Variants in SDK1 observed in about 807,000 individuals in gnomAD.
SDK1 encodes the protein sidekick cell adhesion molecule 1.
In SDK1, 157 loss-of-function variants were observed where a neutral mutation model predicts 245.5. The observed-to-expected ratio is 0.64, with a 90% CI of 0.56 to 0.73. The LOEUF is 0.73. Among genes scored for constraint, SDK1 ranks in the 30% least tolerant of loss-of-function variants. The probability of loss-of-function intolerance (pLI) is 0.00; values close to 1 mark genes in which losing one functional copy is unlikely to be tolerated. For missense variants in SDK1, 3,583 were observed against 3,002.3 expected, an observed-to-expected ratio of 1.19 and a Z score of -4.52; for synonymous variants, 1,647 against 1,278.5, an observed-to-expected ratio of 1.29 and a Z score of -6.15.
chr7:3,628,905 C>G (rs1782199152), intron 2 of SDK1, among the ~76,000 whole-genome samples: 1 of 151,968 alleles, frequency 6.6e-6, no homozygotes, highest in Non-Finnish European at 1.5e-5. Flanking sequence ...GAAGGAAAAC[C>G]CAGGCAGAAC....
chr7:3,676,427 A>G (rs1317824590), intron 4 of SDK1, among the ~76,000 whole-genome samples: 4 of 145,988 alleles, frequency 2.7e-5, no homozygotes, highest in South Asian at 2.2e-4. Flanking sequence ...CCAGGTTCAC[A>G]CCATTCTCCT....
chr7:3,948,920 C>G (rs989148273), intron 5 of SDK1, among the ~76,000 whole-genome samples: 1 of 152,214 alleles, frequency 6.6e-6, no homozygotes, highest in South Asian at 2.1e-4. Context: ...TGCCTCCCTT[C>G]ACTTCACATA....
intron 23 of SDK1, 71 bp downstream of exon 23, chr7:4,110,843 A>G (rs1333202902): frequency 9.8e-6 from 10 of 1,024,594 alleles, no homozygotes; most frequent in East Asian, 2.4e-5. Context: ...TCTGTTGGCA[A>G]TAGTAAAACC....
intron 5 of SDK1, among the ~76,000 whole-genome samples, chr7:3,889,946 C>T (rs760643321): frequency 6.6e-6 from 1 of 152,238 alleles, no homozygotes; most frequent in Non-Finnish European, 1.5e-5. Flanking sequence ...CGCTCCTCCT[C>T]CTCACTTTTG....
intron 22 of SDK1, among the ~76,000 whole-genome samples, chr7:4,102,739 G>GCCT (rs985050665): frequency 6.6e-6 from 1 of 152,034 alleles, no homozygotes; most frequent in Non-Finnish European, 1.5e-5. Context: ...AACAGACCAA[G>GCCT]CCTCCTGGCC....
At position 4,092,133 on chromosome 7, in the gene SDK1, T is replaced by C. The variant is rs571787787; in HGVS notation, c.3324+12549T>C. On this transcript the variant is annotated intron_variant, in intron 22 of 44. Transcript: ENST00000404826. The stretch of plus-strand genomic sequence containing the variant: ...TCTTTTAGGTCATGTTCTTTAGCCA[T>C]AAAGCCCTAATAACAGTGCCTGTCT... Among the ~76,000 whole-genome samples, 4 of 152,342 alleles carry C rather than the reference T, an allele frequency of 2.6e-5. No individual in the cohort carries two copies. The East Asian group carries it at 7.7e-4, about 29-fold the overall frequency.
intron 4 of SDK1, among the ~76,000 whole-genome samples, chr7:3,678,831 G>A (rs1231156454): frequency 6.6e-6 from 1 of 152,146 alleles, no homozygotes; most frequent in Admixed American, 6.5e-5. Context: ...GGGGAGGAAA[G>A]GTGATCTTTT....
chr7:4,000,969 G>A, intron 14 of SDK1, among the ~76,000 whole-genome samples: 1 of 152,172 alleles, frequency 6.6e-6, no homozygotes, highest in East Asian at 1.9e-4. Flanking sequence ...GTCTGCTTCT[G>A]CGTTCACTTC....
At chr7:3,537,621 A>C (rs983551567) in intron 1 of SDK1, among the ~76,000 whole-genome samples, 3 of 152,208 alleles carry the variant, frequency 2.0e-5, no homozygotes, top group Non-Finnish European at 4.4e-5. Flanking sequence ...TTCAGTGACT[A>C]TTCATCAGGC....
At chr7:3,587,883 A>G (rs893132070) in intron 1 of SDK1, among the ~76,000 whole-genome samples, 7 of 152,244 alleles carry the variant, frequency 4.6e-5, no homozygotes, top group African/African-American at 1.7e-4. Context: ...GTGTGTTCTC[A>G]GTAGCTGACA....
intron 5 of SDK1, among the ~76,000 whole-genome samples, chr7:3,856,008 T>G (rs190310292): frequency 7.9e-5 from 12 of 152,342 alleles, no homozygotes; most frequent in Admixed American, 7.8e-4. Flanking sequence ...AACTTACTGT[T>G]AAATCTAAAT....
intron 28 of SDK1, among the ~76,000 whole-genome samples, chr7:4,141,208 G>A (rs995450669): frequency 3.3e-5 from 5 of 152,200 alleles, no homozygotes; most frequent in Non-Finnish European, 7.3e-5. Flanking sequence ...TGTAGTCTGC[G>A]GCATGGCCAA....
intron 14 of SDK1, among the ~76,000 whole-genome samples, chr7:3,988,965 C>T (rs1027793739): frequency 6.6e-6 from 1 of 152,130 alleles, no homozygotes; most frequent in East Asian, 1.9e-4. Flanking sequence ...AGATATTGGC[C>T]AGGCTGGTCT....
chr7:3,457,137 A>C (rs1237300640), intron 1 of SDK1, among the ~76,000 whole-genome samples: 1 of 152,096 alleles, frequency 6.6e-6, no homozygotes, highest in Non-Finnish European at 1.5e-5. Flanking sequence ...CACTGTGCTT[A>C]CTTGGGTGTC....
chr7:3,920,405 A>C (rs1291022612), intron 5 of SDK1, among the ~76,000 whole-genome samples: 1 of 152,096 alleles, frequency 6.6e-6, no homozygotes, highest in Admixed American at 6.5e-5. Context: ...GGGAAGGTCA[A>C]GGTCAAGGTC....
At chr7:3,522,294 G>A (rs1016483306) in intron 1 of SDK1, among the ~76,000 whole-genome samples, 1 of 152,078 alleles carries the variant, frequency 6.6e-6, no homozygotes, top group Non-Finnish European at 1.5e-5. Flanking sequence ...TATGAATATA[G>A]AGAGAGCTAA....
intron 1 of SDK1, among the ~76,000 whole-genome samples, chr7:3,320,666 T>G (rs1224257929): frequency 2.0e-5 from 3 of 152,202 alleles, no homozygotes; most frequent in Non-Finnish European, 4.4e-5. Flanking sequence ...TGTTTTAATA[T>G]TAATCATGGC....
At chr7:4,158,573 C>T (rs375004621) in intron 31 of SDK1, 22 bp downstream of exon 31, 3 of 1,570,976 alleles carry the variant, frequency 1.9e-6, no homozygotes, top group African/African-American at 2.7e-5. Context: ...GGGGCCCAGA[C>T]CGCGTTCCTG....
At chr7:3,318,363 T>A (rs990065233) in intron 1 of SDK1, among the ~76,000 whole-genome samples, 5 of 152,224 alleles carry the variant, frequency 3.3e-5, no homozygotes, top group Non-Finnish European at 5.9e-5. Flanking sequence ...ATCACTTGTC[T>A]GTGTTTCAGG....
Sources: allele counts gnomAD v4.1 joint callset (sites outside exome capture counted in the v4.1 genomes callset), GRCh38; gene constraint gnomAD v4.1.1; transcripts MANE v1.5; gene names NCBI Gene and HGNC (gene_info 2026-07-23, HGNC 2026-07-21).